NT5M: variants seen among roughly 807,000 people sequenced by gnomAD.
The protein encoded by NT5M is 5',3'-nucleotidase, mitochondrial.
A neutral mutation model predicts 22.2 loss-of-function variants in NT5M; 22 were observed. That is an observed-to-expected ratio of 0.99 (90% CI 0.71 to 1.41). The LOEUF (loss-of-function observed/expected upper bound fraction) is 1.41, where lower values mean the gene tolerates loss of function less well. Ranked by LOEUF, NT5M falls within the 40% of genes most tolerant of loss-of-function variation. NT5M has a pLI of 0.00. For missense variants in NT5M, 322 were observed against 314.8 expected (o/e 1.02, Z -0.17); for synonymous variants, 167 against 133.0 (o/e 1.26, Z -1.76).
chr17:17,342,686 G>T (rs1310474572), intron 3 of NT5M, among the ~76,000 whole-genome samples: 1 of 152,172 alleles, frequency 6.6e-6, no homozygotes, highest in East Asian at 1.9e-4. Context: ...TTTTCCCTCT[G>T]CCTGGAATGT....
In NT5M at chr17:17,303,778, G is replaced by C; in HGVS notation, c.228G>C (p.Trp76Cys). ...CGCTGGAGGACCGGCGCGGCTTCTGGGTGTCGGAGCAGTACGGCCGCCTGC... is the reference window on the plus strand; with the variant it reads ...CGCTGGAGGACCGGCGCGGCTTCTGCGTGTCGGAGCAGTACGGCCGCCTGC... Reference protein sequence around the residue: ...FIALEDRRGFWVSEQYGRLRP... With the variant: ...FIALEDRRGFCVSEQYGRLRP... Residue 76 changes from tryptophan (W) to cysteine (C), a missense_variant, in exon 1 of 5, where the codon TGG becomes TGC. By Grantham distance (215) the Trp-to-Cys change is radical. Coordinates refer to ENST00000389022, the MANE Select transcript of NT5M (RefSeq NM_020201.4). 1 of 1,578,092 alleles carries C rather than the reference G, an allele frequency of 6.3e-7. No homozygotes were observed. Among genetic ancestry groups the C allele is most frequent in the Non-Finnish European group, 8.6e-7 (1 of 1,163,700 alleles).
chr17:17,318,522 A>G (rs1165904027), intron 2 of NT5M, among the ~76,000 whole-genome samples: 1 of 147,286 alleles, frequency 6.8e-6, no homozygotes, highest in Non-Finnish European at 1.5e-5. Flanking sequence ...GCAGTGGCTC[A>G]AGTGTGTAAT....
At chr17:17,304,484 A>T in intron 1 of NT5M, 4 of 968,172 alleles carry the variant, frequency 4.1e-6, no homozygotes, top group Non-Finnish European at 4.9e-6. Context: ...CTTGGTTGGT[A>T]AATTTGAAGT....
Position 17,347,030 on chromosome 17 carries a change from T to TAGGA in NT5M, c.*83_*84insAGGA. 3 of 1,533,086 alleles carry TAGGA rather than the reference T, an allele frequency of 2.0e-6. No individual in the cohort carries two copies. Among genetic ancestry groups the TAGGA allele is most frequent in the South Asian group, 1.2e-5 (1 of 82,542 alleles). The allele number at this position is 1,533,086 out of a possible 1,614,324, so 95.0% of individuals were successfully genotyped here. ...GGCCTGTGGGGCCAGTATGCTGGTC[T>TAGGA]GGGAGTCCCTCCTAGACTCCTGGGC... On this transcript the variant is annotated 3_prime_UTR_variant, in exon 5 of 5. Transcript: ENST00000389022.
chr17:17,344,099 C>T (rs973820759), intron 3 of NT5M, among the ~76,000 whole-genome samples: 20 of 152,164 alleles, frequency 1.3e-4, no homozygotes, highest in African/African-American at 4.6e-4. Context: ...TGCCAGGCCC[C>T]GGTCTGCTCC....
chr17:17,341,587 G>A (rs2049642518), intron 3 of NT5M, among the ~76,000 whole-genome samples: 1 of 152,182 alleles, frequency 6.6e-6, no homozygotes, highest in South Asian at 2.1e-4. Context: ...CACCACACAG[G>A]GACCAGACAA....
intron 1 of NT5M, among the ~76,000 whole-genome samples, chr17:17,305,126 C>T (rs567701707): frequency 5.9e-5 from 9 of 152,182 alleles, no homozygotes; most frequent in South Asian, 4.2e-4. Context: ...ACCATATATC[C>T]GCCCGGGAGT....
intron 3 of NT5M, among the ~76,000 whole-genome samples, chr17:17,338,333 C>T (rs1174796741): frequency 2.0e-5 from 3 of 152,074 alleles, no homozygotes; most frequent in Non-Finnish European, 2.9e-5. Flanking sequence ...GCTGGGACTA[C>T]AGGCATGTGC....
chr17:17,316,369 TTTTA>T (rs36146846), intron 2 of NT5M, among the ~76,000 whole-genome samples: 4 of 146,794 alleles, frequency 2.7e-5, no homozygotes, highest in African/African-American at 7.5e-5. Context: ...TAACTTAGGT[TTTTA>T]TTTATTTATT....
chr17:17,324,746 C>T (rs764775376), intron 3 of NT5M, among the ~76,000 whole-genome samples: 2 of 152,156 alleles, frequency 1.3e-5, no homozygotes, highest in Non-Finnish European at 2.9e-5. Flanking sequence ...CATCCCAGCT[C>T]ACTGCAGCCT....
At chr17:17,331,043 T>C (rs1272990018) in intron 3 of NT5M, among the ~76,000 whole-genome samples, 1 of 151,592 alleles carries the variant, frequency 6.6e-6, no homozygotes, top group African/African-American at 2.4e-5. Context: ...GACCCGGCCT[T>C]CTTTGCATAT....
intron 3 of NT5M, among the ~76,000 whole-genome samples, chr17:17,342,637 C>A (rs772967773): frequency 2.6e-5 from 4 of 152,226 alleles, no homozygotes; most frequent in African/African-American, 4.8e-5. Flanking sequence ...ATTCCTCAAA[C>A]ACCTGAGCAC....
intron 2 of NT5M, among the ~76,000 whole-genome samples, chr17:17,322,732 C>T (rs769719542): frequency 4.6e-5 from 7 of 152,186 alleles, no homozygotes; most frequent in Admixed American, 2.0e-4. Flanking sequence ...AGCTCTCCCG[C>T]GGAGCTACGA....
In NT5M at chr17:17,346,868, A is replaced by G; in HGVS notation, c.608A>G (p.Gln203Arg). ...ACCGCCTGCCACAACCAGCACCTGC[A>G]GCTGCAGCCCCCCCGCCGCAGGCTG... The part of the protein sequence containing the change: ...LFTACHNQHL[Q>R]LQPPRRRLHS... The change falls in exon 5 of 5, where the codon CAG becomes CGG. Residue 203 changes from glutamine (Q) to arginine (R), a missense_variant. Gln to Arg is a conservative substitution (Grantham distance 43, BLOSUM62 1). Transcript: ENST00000389022. 6.2e-7 allele frequency: 1 copy of G among 1,608,672 alleles called. No individual in the cohort carries two copies. Among genetic ancestry groups the G allele is most frequent in the Admixed American group, 1.7e-5 (1 of 60,008 alleles).
chr17:17,334,398 G>A (rs2049453942), intron 3 of NT5M, among the ~76,000 whole-genome samples: 1 of 151,262 alleles, frequency 6.6e-6, no homozygotes, highest in Non-Finnish European at 1.5e-5. Context: ...GTAGCCTGGG[G>A]TCCATTTCTG....
intron 2 of NT5M, among the ~76,000 whole-genome samples, chr17:17,320,331 G>C (rs1331917284): frequency 2.6e-5 from 4 of 152,184 alleles, no homozygotes; most frequent in African/African-American, 9.7e-5. Context: ...GGTGGTTGCA[G>C]CCGCTCAGTG....
chr17:17,329,469 C>T (rs138650135), intron 3 of NT5M, among the ~76,000 whole-genome samples: 53 of 152,254 alleles, frequency 3.5e-4, no homozygotes, highest in African/African-American at 1.3e-3. Flanking sequence ...CCTTTTCACC[C>T]CCTAGAGAGA....
At position 17,347,560 on chromosome 17, in the gene NT5M, C is replaced by T. The variant is rs1195381259; in HGVS notation, c.*613C>T. The T allele has an allele frequency of 6.5e-6, 1 of 153,326 alleles. No individual in the cohort carries two copies. The highest frequency in any genetic ancestry group is 2.4e-5 in the African/African-American group (1 of 41,478). 9.5% of individuals were successfully genotyped at this position (153,326 alleles called of 1,614,324 possible). On this transcript the variant is annotated 3_prime_UTR_variant, in exon 5 of 5. Transcript: ENST00000389022. ...CCTCGACCAGCTTAGAGGTTTCTCA[C>T]ACCTCTGTTCCCAGGGCCCCGCTCA...
At chr17:17,337,563 C>A (rs2049543540) in intron 3 of NT5M, among the ~76,000 whole-genome samples, 1 of 152,074 alleles carries the variant, frequency 6.6e-6, no homozygotes, top group Non-Finnish European at 1.5e-5. Context: ...TGCCACCATG[C>A]CTGGCTAATT....
Sources: gnomAD v4.1 joint callset for allele counts (sites outside exome capture counted in the v4.1 genomes callset) on GRCh38, gnomAD v4.1.1 for gene constraint, MANE v1.5 for transcripts, NCBI Gene and HGNC (gene_info 2026-07-23, HGNC 2026-07-21) for gene names.